Variants in GRIK3 observed in about 807,000 individuals in gnomAD.
GRIK3 encodes the protein glutamate receptor ionotropic, kainate 3.
In GRIK3, 29 loss-of-function variants were observed where a neutral mutation model predicts 102.5. The observed-to-expected ratio is 0.28, with a 90% CI of 0.21 to 0.39. The LOEUF (loss-of-function observed/expected upper bound fraction) is 0.39. Ranked by LOEUF, GRIK3 falls within the 10% of genes least tolerant of loss-of-function variation. The pLI, the probability that GRIK3 is intolerant of heterozygous loss-of-function variation, is 1.00. For missense variants in GRIK3, 908 were observed against 1,252.4 expected (o/e 0.73, Z 4.15); for synonymous variants, 511 against 504.9 (o/e 1.01, Z -0.16).
At chr1:36,851,169 A>T (rs1199807164) in intron 8 of GRIK3, among the ~76,000 whole-genome samples, 1 of 151,486 alleles carries the variant, frequency 6.6e-6, no homozygotes, top group African/African-American at 2.5e-5. Flanking sequence ...TACTCAGGAC[A>T]CTTAATCAAT....
chr1:36,854,927 G>A (rs1640633466), intron 7 of GRIK3, among the ~76,000 whole-genome samples: 1 of 152,208 alleles, frequency 6.6e-6, no homozygotes, highest in Middle Eastern at 3.2e-3. Context: ...ACAAGAGGCA[G>A]AGCCAAACTA....
intron 1 of GRIK3, among the ~76,000 whole-genome samples, chr1:36,956,101 G>A (rs780558401): frequency 1.3e-5 from 2 of 152,184 alleles, no homozygotes; most frequent in Admixed American, 1.3e-4. Flanking sequence ...TGGGGTGCTC[G>A]GCCTGGGGGA....
chr1:37,012,544 A>G (rs557097036), intron 1 of GRIK3, among the ~76,000 whole-genome samples: 1 of 152,244 alleles, frequency 6.6e-6, no homozygotes, highest in Non-Finnish European at 1.5e-5. Flanking sequence ...CCAGAGTCAG[A>G]AGGCCAGAGT....
chr1:36,865,317 C>T (rs1210195235), intron 5 of GRIK3, among the ~76,000 whole-genome samples: 1 of 152,184 alleles, frequency 6.6e-6, no homozygotes, highest in African/African-American at 2.4e-5. Flanking sequence ...AAAATATCTT[C>T]TGCATGGAAG....
chr1:36,805,208 C>T lies in GRIK3; in HGVS notation c.2344G>A (p.Ala782Thr), dbSNP rs773316508. The T allele has an allele frequency of 3.1e-6, 5 of 1,613,128 alleles. No individual in the cohort carries two copies. The highest frequency in any genetic ancestry group is 3.3e-5 in the Admixed American group (2 of 59,978). The change falls in exon 15 of 16, where the codon GCC (alanine) becomes ACC (threonine). Residue 782 changes from alanine (A) to threonine (T), a missense_variant. Around this residue, in one of 3 missense-constraint regions of GRIK3, gnomAD observed 297 missense variants for 362.7 expected, o/e 0.82. Transcript: ENST00000373091. ...TCCTCCTCCTGAAGCTGCAGGATGG[C>T]GATGGTGATCTTGTCCCGGTATGGG... The part of the protein sequence containing the change: ...GSPYRDKITI[A>T]ILQLQEEDKL...
rs1446748868 is a variant in GRIK3, at chr1:36,841,923, A to T, written c.1343T>A (p.Met448Lys). 6.2e-7 allele frequency: 1 copy of T among 1,614,158 alleles called. No individual in the cohort carries two copies. Among genetic ancestry groups the T allele is most frequent in the Non-Finnish European group, 8.5e-7 (1 of 1,180,002 alleles). Residue 448 changes from methionine to lysine, a missense_variant, in exon 10 of 16, where the codon ATG (methionine) becomes AAG (lysine). Transcript: ENST00000373091. ...VTTVLEEPFVMFRKSDRTLYG... is the reference protein window; with the variant it reads ...VTTVLEEPFVKFRKSDRTLYG... ...TAGCGTCCTGTCTGATTTCCGAAAC[A>T]TGACGAAGGGCTCCTCCTGCAGAGA...
At chr1:36,967,901 GATA>G (rs1263140341) in intron 1 of GRIK3, among the ~76,000 whole-genome samples, 2 of 152,194 alleles carry the variant, frequency 1.3e-5, no homozygotes, top group Non-Finnish European at 2.9e-5. Flanking sequence ...GCAATAATGT[GATA>G]ATAATGACAT....
In GRIK3 at chr1:36,897,259, C is replaced by A. The variant is rs377118832; in HGVS notation, c.116-6163G>T. 5.3e-5 allele frequency among the ~76,000 whole-genome samples: 8 copies of A among 152,174 alleles called. 1 individual carries two copies. The highest frequency in any genetic ancestry group is 1.7e-4 in the African/African-American group (7 of 41,538). The stretch of plus-strand genomic sequence containing the variant: ...TATGTAGAAAACCCCAAATATTTCA[C>A]AAAAAATCAGTTAGAGCTAATAAAA... On this transcript the variant is annotated intron_variant, in intron 1 of 15. Transcript: ENST00000373091.
chr1:36,931,620 T>C (rs979439667), intron 1 of GRIK3, among the ~76,000 whole-genome samples: 1 of 152,210 alleles, frequency 6.6e-6, no homozygotes, highest in South Asian at 2.1e-4. Context: ...CAATAAATGA[T>C]TGTTCTCGCC....
chr1:36,801,849 G>A lies in GRIK3; in HGVS notation c.*2C>T, dbSNP rs1004092121. Reference sequence around the variant, plus strand: ...GGCCTGAGGTCCCCACCCCAGCTGTGCCTAGGGGAACACAGGGGCTAAGGA... The same window carrying A: ...GGCCTGAGGTCCCCACCCCAGCTGTACCTAGGGGAACACAGGGGCTAAGGA... On this transcript the variant is annotated 3_prime_UTR_variant, in exon 16 of 16. Coordinates refer to ENST00000373091, the MANE Select transcript of GRIK3 (RefSeq NM_000831.4). The A allele has an allele frequency of 1.9e-6, 3 of 1,598,682 alleles. No homozygotes were observed. In the African/African-American group the frequency reaches 4.0e-5, roughly 21 times the overall value.
chr1:36,956,427 C>G (rs921332618), intron 1 of GRIK3, among the ~76,000 whole-genome samples: 5 of 152,210 alleles, frequency 3.3e-5, no homozygotes, highest in African/African-American at 1.2e-4. Context: ...CACAATTTAC[C>G]CAGACGGCAG....
At chr1:36,813,661 C>T (rs907963904) in intron 13 of GRIK3, among the ~76,000 whole-genome samples, 1 of 151,926 alleles carries the variant, frequency 6.6e-6, no homozygotes, top group African/African-American at 2.4e-5. Flanking sequence ...ATCACCTGGC[C>T]CGGGGGGAAG....
Position 37,009,092 on chromosome 1 carries a change from A to ATAATAATAATAATAT in GRIK3, c.115+24887_115+24901dup, listed in dbSNP as rs1642561859. Among the ~76,000 whole-genome samples the ATAATAATAATAATAT allele has an allele frequency of 3.3e-5, 5 of 151,982 alleles. No individual in the cohort carries two copies. In the South Asian group the frequency reaches 1.0e-3, roughly 32 times the overall value. ...TGGAGATGTAATAATAATAATAATAATAATAATAATAATATCAACCTCGAA... is the reference window on the plus strand; with the variant it reads ...TGGAGATGTAATAATAATAATAATAATAATAATAATAATATTAATAATAATAATATCAACCTCGAA... On this transcript the variant is annotated intron_variant, in intron 1 of 15. Coordinates refer to ENST00000373091, the MANE Select transcript of GRIK3 (RefSeq NM_000831.4).
At chr1:36,905,190 T>A (rs1641273656) in intron 1 of GRIK3, among the ~76,000 whole-genome samples, 1 of 152,116 alleles carries the variant, frequency 6.6e-6, no homozygotes, top group Non-Finnish European at 1.5e-5. Flanking sequence ...AATGTGCAAT[T>A]CCTATATCAA....
intron 1 of GRIK3, among the ~76,000 whole-genome samples, chr1:37,005,572 G>A (rs1642522338): frequency 6.6e-6 from 1 of 152,222 alleles, no homozygotes; most frequent in Non-Finnish European, 1.5e-5. Context: ...CCAGGGGGAA[G>A]TGGGCCAAGC....
rs760607416 is a variant in GRIK3 at position 36,880,939 on chromosome 1, G to A, written c.293-48C>T. The A allele has an allele frequency of 4.5e-6, 7 of 1,544,572 alleles. No individual in the cohort carries two copies. The highest frequency in any genetic ancestry group is 3.5e-5 in the South Asian group (3 of 84,980). On this transcript the variant is annotated intron_variant, in intron 2 of 15. Coordinates refer to ENST00000373091, the MANE Select transcript of GRIK3 (RefSeq NM_000831.4). The surrounding 1 kb of genome is among the most constrained non-coding windows in gnomAD (Gnocchi z 5.4). Reference sequence around the variant, plus strand: ...ACAGGGGTCAGCACTGGGGCTGTGGGTATGGGGACAGTGATGCTGATGATC... The same window carrying A: ...ACAGGGGTCAGCACTGGGGCTGTGGATATGGGGACAGTGATGCTGATGATC...
At chr1:36,821,053 T>C (rs513115) in intron 11 of GRIK3, among the ~76,000 whole-genome samples, 29,755 of 152,164 alleles carry the variant, frequency 0.2, 3,516 homozygotes, top group African/African-American at 0.33. Flanking sequence ...GAGACAAGTC[T>C]AGTGGAATTT....
At chr1:36,965,199 C>T (rs551586926) in intron 1 of GRIK3, among the ~76,000 whole-genome samples, 8 of 152,236 alleles carry the variant, frequency 5.3e-5, no homozygotes, top group South Asian at 4.2e-4. Context: ...TTGAATTATA[C>T]GGTACCCAAA....
chr1:36,849,591 T>C (rs965086003), intron 9 of GRIK3: 1 of 152,298 alleles, frequency 6.6e-6, no homozygotes, highest in African/African-American at 2.4e-5. Flanking sequence ...AGAGGATCTG[T>C]CCTGAGTCTC....
Sources: gnomAD v4.1 joint callset for allele counts (sites outside exome capture counted in the v4.1 genomes callset) on GRCh38, gnomAD v4.1.1 for gene constraint, gnomAD v4.1.1 regional missense constraint, Gnocchi (gnomAD v3.1) non-coding constraint, MANE v1.5 for transcripts, NCBI Gene and HGNC (gene_info 2026-07-23, HGNC 2026-07-21) for gene names.